The following VAMP7 variants were observed in gnomAD, a reference collection of about 807,000 sequenced individuals.
VAMP7 encodes vesicle associated membrane protein 7, also known as vesicle-associated membrane protein 7.
In VAMP7, 14 loss-of-function variants were observed where a neutral mutation model predicts 29.6. The ratio of observed to expected loss-of-function variants is 0.47; its 90% CI spans 0.31 to 0.74. The LOEUF is 0.74. Among genes scored for constraint, VAMP7 ranks in the 30% least tolerant of loss-of-function variants. The pLI is 0.05. For missense variants in VAMP7, 223 were observed against 262.4 expected (o/e 0.85, Z 1.04); for synonymous variants, 95 against 88.1 (o/e 1.08, Z -0.44).
rs780851005 is a variant in VAMP7, at chrX:155,939,687, C to G, written c.502-14C>G. On this transcript the variant is annotated splice_polypyrimidine_tract_variant and intron_variant, in intron 6 of 7. Transcript: ENST00000286448. ...TCAGTGCCAGGGGTTAAACAATTCT[C>G]GCCTCTTTTCTAGTCTGTCACCTTC... The G allele has an allele frequency of 1.9e-6, 3 of 1,601,930 alleles. No homozygotes were observed. The highest frequency in any genetic ancestry group is 2.6e-6 in the Non-Finnish European group (3 of 1,169,174).
chrX:155,926,274 G>A (rs765602120), intron 6 of VAMP7, among the ~76,000 whole-genome samples: 2 of 152,190 alleles, frequency 1.3e-5, no homozygotes, highest in African/African-American at 2.4e-5. Flanking sequence ...AAAGAAGGGT[G>A]TTTTGTTTAC....
At chrX:155,915,821 G>A (rs189831590) in intron 5 of VAMP7, among the ~76,000 whole-genome samples, 1 of 152,306 alleles carries the variant, frequency 6.6e-6, no homozygotes, top group African/African-American at 2.4e-5. Context: ...ATGTGGTGCT[G>A]AGAAGAATGT....
intron 1 of VAMP7, among the ~76,000 whole-genome samples, chrX:155,884,231 G>T (rs776228119): frequency 6.6e-6 from 1 of 151,400 alleles, no homozygotes; most frequent in African/African-American, 2.4e-5. Flanking sequence ...GGGTTCAAGC[G>T]ATTCTCCTGC....
At chrX:155,940,352 A>T (rs774921953) in intron 7 of VAMP7, among the ~76,000 whole-genome samples, 1 of 152,264 alleles carries the variant, frequency 6.6e-6, no homozygotes, top group African/African-American at 2.4e-5. Flanking sequence ...CTCCAAGCAG[A>T]TAACTCTGAC....
chrX:155,942,242 T>C lies in VAMP7; in HGVS notation c.*291T>C. The C allele has an allele frequency of 7.0e-7, 1 of 1,423,228 alleles. No homozygotes were observed. Among genetic ancestry groups the C allele is most frequent in the South Asian group, 1.5e-5 (1 of 68,086 alleles). 88.2% of individuals were successfully genotyped at this position (1,423,228 alleles called of 1,614,324 possible). ...CATCTATTTAGAGAAACATTTTTGT[T>C]TTTAATTGCTCAAAGCTGTCGCCGC... is the stretch of plus-strand genomic sequence containing the variant. On this transcript the variant is annotated 3_prime_UTR_variant, in exon 8 of 8. Transcript: ENST00000286448.
At chrX:155,889,636 A>G in intron 2 of VAMP7, 24 bp downstream of exon 2, 1 of 1,611,976 alleles carries the variant, frequency 6.2e-7, no homozygotes, top group Non-Finnish European at 8.5e-7. Context: ...TGCATGTGGT[A>G]AGGGATGAAA....
Position 155,882,471 on chromosome X carries a change from G to C in VAMP7, c.-10+1023G>C, listed in dbSNP as rs770694923. On this transcript the variant is annotated intron_variant, in intron 1 of 7. Coordinates refer to ENST00000286448, the MANE Select transcript of VAMP7 (RefSeq NM_005638.6). ...GAAAGAATAGTTGTAATACCAACAGGAATAATCTTGATCTGTAACATGACT... is the reference window on the plus strand; with the variant it reads ...GAAAGAATAGTTGTAATACCAACAGCAATAATCTTGATCTGTAACATGACT... Among the ~76,000 whole-genome samples, 8 of 152,260 alleles carry C rather than the reference G, an allele frequency of 5.3e-5. No individual in the cohort carries two copies. The East Asian group carries it at 1.5e-3, about 29-fold the overall frequency.
intron 5 of VAMP7, among the ~76,000 whole-genome samples, chrX:155,907,366 G>A (rs1041373458): frequency 6.6e-6 from 1 of 152,040 alleles, no homozygotes; most frequent in Non-Finnish European, 1.5e-5. Flanking sequence ...GGGAAGATCA[G>A]CAGATAAACA....
chrX:155,942,104 T>C lies in VAMP7; in HGVS notation c.*153T>C. 6.4e-7 allele frequency: 1 copy of C among 1,554,142 alleles called. No individual in the cohort carries two copies. Among genetic ancestry groups the C allele is most frequent in the Non-Finnish European group, 8.7e-7 (1 of 1,148,060 alleles). ...TAAAATCTTGTTCCATGCCTCCAGG[T>C]TTATCTTTGTCTTATCTACCAGTTT... On this transcript the variant is annotated 3_prime_UTR_variant, in exon 8 of 8. Transcript: ENST00000286448.
chrX:155,888,222 A>T (rs1488383567), intron 1 of VAMP7, among the ~76,000 whole-genome samples: 1 of 152,142 alleles, frequency 6.6e-6, no homozygotes, highest in African/African-American at 2.4e-5. Context: ...TGCAATAAGG[A>T]ATCTGCACAT....
chrX:155,893,446 G>A (rs769965519), intron 2 of VAMP7, among the ~76,000 whole-genome samples: 1 of 152,268 alleles, frequency 6.6e-6, no homozygotes, highest in African/African-American at 2.4e-5. Flanking sequence ...GCTAGAAAAC[G>A]TTAGTGTAGA....
intron 5 of VAMP7, among the ~76,000 whole-genome samples, chrX:155,901,693 G>A (rs931890152): frequency 8.6e-5 from 13 of 151,940 alleles, no homozygotes; most frequent in African/African-American, 1.5e-4. Flanking sequence ...GATATGTGGC[G>A]TTATTTCTGA....
intron 6 of VAMP7, among the ~76,000 whole-genome samples, chrX:155,934,693 C>T (rs1283966414): frequency 7.2e-5 from 11 of 152,208 alleles, no homozygotes; most frequent in Admixed American, 4.6e-4. Flanking sequence ...GCATTTAGCC[C>T]ATTTACATTT....
intron 6 of VAMP7, among the ~76,000 whole-genome samples, chrX:155,939,348 C>T (rs2066709625): frequency 6.6e-6 from 1 of 152,068 alleles, no homozygotes; most frequent in African/African-American, 2.4e-5. Flanking sequence ...GCAGAATAGG[C>T]GAATGTGCTT....
chrX:155,908,601 T>C (rs985587797), intron 5 of VAMP7, among the ~76,000 whole-genome samples: 2 of 96,994 alleles, frequency 2.1e-5, no homozygotes, highest in Non-Finnish European at 4.1e-5. Flanking sequence ...AGCCATTTTC[T>C]TTTCTTGTGA....
At chrX:155,895,799 CT>C in intron 3 of VAMP7, 119 bp downstream of exon 3, 11 of 732,638 alleles carry the variant, frequency 1.5e-5, no homozygotes, top group Middle Eastern at 4.0e-4. Context: ...AGGTCTGTGG[CT>C]TGTTAGGAAC....
intron 6 of VAMP7, among the ~76,000 whole-genome samples, chrX:155,933,648 A>G (rs1448212042): frequency 6.6e-6 from 1 of 152,112 alleles, no homozygotes; most frequent in Non-Finnish European, 1.5e-5. Context: ...ATCTTTTCAA[A>G]AAACCAGCTC....
intron 2 of VAMP7, among the ~76,000 whole-genome samples, chrX:155,892,520 G>A (rs1308476759): frequency 1.3e-5 from 2 of 151,936 alleles, no homozygotes; most frequent in African/African-American, 4.8e-5. Context: ...TCAATGCTAG[G>A]TTCTTTCTCT....
chrX:155,887,063 T>C lies in VAMP7; in HGVS notation c.-9-2395T>C, dbSNP rs867491643. Among the ~76,000 whole-genome samples the C allele has an allele frequency of 3.3e-5, 5 of 152,318 alleles. No homozygotes were observed. In the South Asian group the frequency reaches 6.2e-4, roughly 19 times the overall value. ...TAAGCAATGACCTCCTTCCTTGTTATAAAATTTCACTGATTGTTTTACAGT... is the reference window on the plus strand; with the variant it reads ...TAAGCAATGACCTCCTTCCTTGTTACAAAATTTCACTGATTGTTTTACAGT... On this transcript the variant is annotated intron_variant, in intron 1 of 7. Transcript: ENST00000286448.
Sources: gnomAD v4.1 joint callset for allele counts (sites outside exome capture counted in the v4.1 genomes callset) on GRCh38, gnomAD v4.1.1 for gene constraint, MANE v1.5 for transcripts, NCBI Gene and HGNC (gene_info 2026-07-23, HGNC 2026-07-21) for gene names.